WWOX: variants seen among roughly 807,000 people sequenced by gnomAD.
WWOX encodes WW domain containing oxidoreductase.
In WWOX, 69 loss-of-function variants were observed where a neutral mutation model predicts 46.2. The ratio of observed to expected loss-of-function variants is 1.49; its 90% CI spans 1.23 to 1.82. WWOX has a LOEUF of 1.82. WWOX is among the 40% of genes most tolerant of loss of function. The pLI is 0.00. For missense variants in WWOX, 919 were observed against 542.6 expected, an observed-to-expected ratio of 1.69 and a Z score of -6.89; for synonymous variants, 359 against 202.6, an observed-to-expected ratio of 1.77 and a Z score of -6.56.
chr16:78,349,854 A>G (rs1311242699), intron 5 of WWOX, among the ~76,000 whole-genome samples: 1 of 120,868 alleles, frequency 8.3e-6, no homozygotes, highest in African/African-American at 2.8e-5. Context: ...TTGATTTTGT[A>G]TTTCTGGGCT....
At chr16:78,890,231 A>G (rs1420929613) in intron 8 of WWOX, 4 of 151,930 alleles carry the variant, frequency 2.6e-5, no homozygotes, top group Admixed American at 6.5e-5. Context: ...CAATTGCTTA[A>G]AAATGGAAGT....
intron 5 of WWOX, among the ~76,000 whole-genome samples, chr16:78,331,813 A>T (rs2080764299): frequency 6.6e-6 from 1 of 150,562 alleles, no homozygotes; most frequent in Non-Finnish European, 1.5e-5. Context: ...ATGCATTGGC[A>T]TTCATTGCTT....
chr16:78,621,363 T>G (rs568109193), intron 8 of WWOX, among the ~76,000 whole-genome samples: 1 of 152,210 alleles, frequency 6.6e-6, no homozygotes, highest in African/African-American at 2.4e-5. Context: ...GTGGGCAGTT[T>G]GCTGCTGCTG....
chr16:78,994,907 C>T (rs187568208), intron 8 of WWOX, among the ~76,000 whole-genome samples: 3 of 149,674 alleles, frequency 2.0e-5, no homozygotes, highest in East Asian at 2.0e-4. Context: ...CCCTTCTGGA[C>T]ACTGGAAGGG....
At chr16:78,371,734 T>A (rs2081694058) in intron 5 of WWOX, among the ~76,000 whole-genome samples, 2 of 152,244 alleles carry the variant, frequency 1.3e-5, no homozygotes, top group Non-Finnish European at 1.5e-5. Flanking sequence ...TTTATTTTTA[T>A]GTTAATATTT....
At chr16:78,806,797 C>G (rs1184163613) in intron 8 of WWOX, among the ~76,000 whole-genome samples, 1 of 152,198 alleles carries the variant, frequency 6.6e-6, no homozygotes, top group Non-Finnish European at 1.5e-5. Flanking sequence ...CCCACCTCTT[C>G]TGGAAGAGAA....
intron 8 of WWOX, among the ~76,000 whole-genome samples, chr16:78,678,100 TC>T (rs1445416392): frequency 6.6e-6 from 1 of 152,172 alleles, no homozygotes; most frequent in Non-Finnish European, 1.5e-5. Context: ...CTCACTGCCC[TC>T]CCCCTCCCCA....
At chr16:79,132,600 T>C (rs750856006) in intron 8 of WWOX, among the ~76,000 whole-genome samples, 2 of 152,174 alleles carry the variant, frequency 1.3e-5, no homozygotes, top group Non-Finnish European at 2.9e-5. Context: ...TCTCTGTGTC[T>C]CTCTTTTTCC....
chr16:78,976,097 A>G (rs867916215), intron 8 of WWOX, among the ~76,000 whole-genome samples: 9 of 152,172 alleles, frequency 5.9e-5, no homozygotes, highest in Admixed American at 2.6e-4. Flanking sequence ...CCGAATGACA[A>G]TTTCAAGCTC....
At chr16:78,513,476 T>G (rs1243745721) in intron 8 of WWOX, among the ~76,000 whole-genome samples, 2 of 152,342 alleles carry the variant, frequency 1.3e-5, no homozygotes, top group East Asian at 3.9e-4. Flanking sequence ...TAGAGTTTGC[T>G]TTAGCTTTTC....
At position 78,945,552 on chromosome 16, in the gene WWOX, T is replaced by A. The variant is rs529693050; in HGVS notation, c.1057-266056T>A. Reference sequence around the variant, plus strand: ...ATATACCCGGCCACTTCTGCCAAAATATGCTGGCCTTTTAGTCTTTTGGTT... The same window carrying A: ...ATATACCCGGCCACTTCTGCCAAAAAATGCTGGCCTTTTAGTCTTTTGGTT... On this transcript the variant is annotated intron_variant, in intron 8 of 8. Coordinates refer to ENST00000566780, the MANE Select transcript of WWOX (RefSeq NM_016373.4). Among the ~76,000 whole-genome samples, 7 of 152,346 alleles carry A rather than the reference T, an allele frequency of 4.6e-5. No homozygotes were observed. The South Asian group carries it at 1.4e-3, about 32-fold the overall frequency.
At chr16:78,493,358 C>T (rs1344285685) in intron 8 of WWOX, among the ~76,000 whole-genome samples, 2 of 152,152 alleles carry the variant, frequency 1.3e-5, no homozygotes, top group Non-Finnish European at 2.9e-5. Context: ...ACTGCAAGAT[C>T]GACAGGCTTA....
intron 8 of WWOX, among the ~76,000 whole-genome samples, chr16:78,648,532 G>C (rs896359257): frequency 1.3e-5 from 2 of 152,178 alleles, no homozygotes; most frequent in African/African-American, 4.8e-5. Flanking sequence ...AAGCTCTGGA[G>C]CAGTCAACTC....
intron 8 of WWOX, among the ~76,000 whole-genome samples, chr16:78,644,334 C>T (rs571141079): frequency 3.3e-5 from 5 of 152,094 alleles, no homozygotes; most frequent in Admixed American, 1.3e-4. Context: ...AGACACCTAC[C>T]CCATATGTCA....
At chr16:78,792,823 G>C (rs1271974652) in intron 8 of WWOX, among the ~76,000 whole-genome samples, 1 of 152,152 alleles carries the variant, frequency 6.6e-6, no homozygotes, top group Non-Finnish European at 1.5e-5. Flanking sequence ...AGGGAGCTCT[G>C]ATTGTCCACA....
At chr16:79,060,265 T>C (rs1057448581) in intron 8 of WWOX, among the ~76,000 whole-genome samples, 2 of 152,202 alleles carry the variant, frequency 1.3e-5, no homozygotes, top group African/African-American at 4.8e-5. Flanking sequence ...GTTTTGGAAA[T>C]TGCAAAAATA....
intron 5 of WWOX, 116 bp from the exon 6 acceptor site, chr16:78,386,744 C>T (rs1452751409): frequency 1.2e-5 from 10 of 848,106 alleles, no homozygotes; most frequent in Admixed American, 1.0e-4. Flanking sequence ...TCTCTCTGGG[C>T]GTCTTATATT....
At chr16:78,905,103 T>C (rs9319527) in intron 8 of WWOX, among the ~76,000 whole-genome samples, 21,719 of 152,142 alleles carry the variant, frequency 0.14, 3,096 homozygotes, top group African/African-American at 0.36. Context: ...TTAAAACATA[T>C]TGCATAATGA....
At chr16:78,636,173 C>G (rs549508249) in intron 8 of WWOX, among the ~76,000 whole-genome samples, 1 of 152,046 alleles carries the variant, frequency 6.6e-6, no homozygotes, top group African/African-American at 2.4e-5. Context: ...ATAATGGAAA[C>G]CAGGTTATTA....
Sources: gnomAD v4.1 joint callset for allele counts (sites outside exome capture counted in the v4.1 genomes callset) on GRCh38, gnomAD v4.1.1 for gene constraint, MANE v1.5 for transcripts, NCBI Gene and HGNC (gene_info 2026-07-23, HGNC 2026-07-21) for gene names.